Variants in ST18 observed in about 807,000 individuals in gnomAD.
ST18 encodes the protein suppression of tumorigenicity 18 protein.
In ST18, 50 loss-of-function variants were observed where a neutral mutation model predicts 110.0. The observed-to-expected ratio is 0.45, with a 90% CI of 0.36 to 0.58. ST18 has a LOEUF of 0.58. ST18 is among the 20% of genes least tolerant of loss of function. ST18 has a pLI of 0.00. For missense variants in ST18, 1,306 were observed against 1,280.1 expected (o/e 1.02, Z -0.31); for synonymous variants, 461 against 452.4 (o/e 1.02, Z -0.24).
chr8:52,186,081 C>T (rs2072057103), intron 8 of ST18, among the ~76,000 whole-genome samples: 1 of 152,156 alleles, frequency 6.6e-6, no homozygotes, highest in Non-Finnish European at 1.5e-5. Flanking sequence ...GATATGCATA[C>T]TCTTCTATAT....
At chr8:52,398,684 G>A (rs1036672400) in intron 2 of ST18, among the ~76,000 whole-genome samples, 11 of 152,240 alleles carry the variant, frequency 7.2e-5, no homozygotes, top group African/African-American at 2.4e-4. Flanking sequence ...ACACAGAATT[G>A]AGATGTTAAT....
At chr8:52,143,161 G>C (rs1355569671) in intron 16 of ST18, 116 bp from the exon 17 acceptor site, 1 of 669,082 alleles carries the variant, frequency 1.5e-6, no homozygotes, top group South Asian at 1.8e-5. Flanking sequence ...ACTTGGACTT[G>C]GCTGAAATAC....
chr8:52,338,674 T>C (rs1009730189), intron 2 of ST18, among the ~76,000 whole-genome samples: 3 of 152,154 alleles, frequency 2.0e-5, no homozygotes, highest in African/African-American at 7.2e-5. Flanking sequence ...TTTGCCCGCC[T>C]TGGCCTCCCA....
intron 2 of ST18, among the ~76,000 whole-genome samples, chr8:52,318,746 T>G (rs1243643085): frequency 6.6e-6 from 1 of 152,166 alleles, no homozygotes; most frequent in Non-Finnish European, 1.5e-5. Context: ...AATACTATGC[T>G]GCCATAAAAA....
chr8:52,352,944 G>A (rs1329183655), intron 2 of ST18, among the ~76,000 whole-genome samples: 1 of 152,214 alleles, frequency 6.6e-6, no homozygotes, highest in East Asian at 1.9e-4. Flanking sequence ...AGTTCAGCAT[G>A]TAATAAAATA....
intron 13 of ST18, among the ~76,000 whole-genome samples, chr8:52,161,915 G>A (rs946838764): frequency 6.6e-6 from 1 of 152,192 alleles, no homozygotes; most frequent in African/African-American, 2.4e-5. Flanking sequence ...AGTTCTTAAA[G>A]GAAATCCATG....
chr8:52,178,673 A>C (rs1170021394), intron 9 of ST18, among the ~76,000 whole-genome samples: 1 of 150,502 alleles, frequency 6.6e-6, no homozygotes, highest in Non-Finnish European at 1.5e-5. Flanking sequence ...AACAAACAAA[A>C]AAAACCCACC....
intron 2 of ST18, among the ~76,000 whole-genome samples, chr8:52,348,222 T>G (rs187440698): frequency 2.6e-5 from 4 of 152,310 alleles, no homozygotes; most frequent in African/African-American, 4.8e-5. Flanking sequence ...AGAAATGATT[T>G]ACAAACCCCA....
At chr8:52,378,131 T>A (rs1179152544) in intron 2 of ST18, among the ~76,000 whole-genome samples, 1 of 152,124 alleles carries the variant, frequency 6.6e-6, no homozygotes, top group African/African-American at 2.4e-5. Context: ...GAAAGGATGG[T>A]TAATGAGTAC....
intron 8 of ST18, chr8:52,210,158 A>G (rs2081654206): frequency 2.2e-6 from 1 of 456,002 alleles, no homozygotes; most frequent in African/African-American, 2.0e-5. Context: ...GACTGCAAAC[A>G]TGTCCCCCAC....
chr8:52,405,359 A>G (rs1844107664), intron 2 of ST18: 1 of 152,184 alleles, frequency 6.6e-6, no homozygotes, highest in Non-Finnish European at 1.5e-5. Flanking sequence ...AAATTCTAAA[A>G]CTGCCTATGC....
At chr8:52,252,544 C>G (rs1013875071) in intron 2 of ST18, among the ~76,000 whole-genome samples, 1 of 151,806 alleles carries the variant, frequency 6.6e-6, no homozygotes, top group Non-Finnish European at 1.5e-5. Context: ...ACATTAGGAT[C>G]TCATAAAAGT....
intron 2 of ST18, among the ~76,000 whole-genome samples, chr8:52,249,705 T>A (rs898922122): frequency 2.6e-5 from 4 of 152,108 alleles, no homozygotes; most frequent in Non-Finnish European, 5.9e-5. Context: ...TACTGAGGTA[T>A]CTTACGGGCT....
At chr8:52,388,614 G>A (rs957227658) in intron 2 of ST18, among the ~76,000 whole-genome samples, 8 of 151,982 alleles carry the variant, frequency 5.3e-5, no homozygotes, top group Middle Eastern at 3.2e-3. Context: ...CACGGCGCAC[G>A]ATGGCGTAAC....
intron 16 of ST18, among the ~76,000 whole-genome samples, chr8:52,144,485 AATGTAATT>A (rs1210470284): frequency 6.6e-6 from 1 of 152,120 alleles, no homozygotes; most frequent in African/African-American, 2.4e-5. Flanking sequence ...CATCAAGGCA[AATGTAATT>A]TTTTTCATTA....
At chr8:52,143,488 A>G (rs943890011) in intron 16 of ST18, among the ~76,000 whole-genome samples, 6 of 152,110 alleles carry the variant, frequency 3.9e-5, no homozygotes, top group East Asian at 1.9e-4. Flanking sequence ...CGTCTCAAAA[A>G]AAAAGAAAAG....
intron 22 of ST18, 118 bp from the exon 23 acceptor site, chr8:52,126,258 C>A: frequency 1.0e-6 from 1 of 959,428 alleles, no homozygotes; most frequent in South Asian, 1.6e-5. Context: ...ACATTATAAC[C>A]CACAGTCTCT....
intron 2 of ST18, among the ~76,000 whole-genome samples, chr8:52,401,253 C>T (rs1326454283): frequency 6.6e-6 from 1 of 152,010 alleles, no homozygotes; most frequent in African/African-American, 2.4e-5. Context: ...TTTTTAAATT[C>T]TCTCTGTGTC....
At chr8:52,381,284 T>C (rs1332879427) in intron 2 of ST18, among the ~76,000 whole-genome samples, 1 of 152,158 alleles carries the variant, frequency 6.6e-6, no homozygotes, top group African/African-American at 2.4e-5. Flanking sequence ...TCACCTTCCA[T>C]AACGTCTTCT....
Sources: allele counts gnomAD v4.1 joint callset (sites outside exome capture counted in the v4.1 genomes callset), GRCh38; gene constraint gnomAD v4.1.1; transcripts MANE v1.5; gene names NCBI Gene and HGNC (gene_info 2026-07-23, HGNC 2026-07-21).